The following BRINP1 variants were observed in gnomAD, a reference collection of about 807,000 sequenced individuals.
BRINP1 encodes BMP/retinoic acid inducible neural specific 1, also known as BMP/retinoic acid-inducible neural-specific protein 1.
A neutral mutation model predicts 72.9 loss-of-function variants in BRINP1; 17 were observed. The ratio of observed to expected loss-of-function variants is 0.23; its 90% CI spans 0.16 to 0.35. BRINP1 has a LOEUF of 0.35. Among genes scored for constraint, BRINP1 ranks in the 10% least tolerant of loss-of-function variants. The pLI, the probability that BRINP1 is intolerant of heterozygous loss-of-function variation, is 1.00. For synonymous variants in BRINP1, 418 were observed against 378.5 expected, an observed-to-expected ratio of 1.10 and a Z score of -1.21; for missense variants, 850 against 1,001.6, an observed-to-expected ratio of 0.85 and a Z score of 2.04.
At chr9:119,264,111 T>A (rs1275492460) in intron 2 of BRINP1, among the ~76,000 whole-genome samples, 2 of 152,174 alleles carry the variant, frequency 1.3e-5, no homozygotes, top group African/African-American at 2.4e-5. Flanking sequence ...CTGTTTCTAT[T>A]TATTACTTCA....
chr9:119,311,520 A>G (rs1288215275), intron 2 of BRINP1, among the ~76,000 whole-genome samples: 3 of 152,086 alleles, frequency 2.0e-5, no homozygotes, highest in South Asian at 2.1e-4. Context: ...ACTCCCCACA[A>G]TGGTTTCTAT....
rs1829951578 is a variant in BRINP1, at chr9:119,213,724, A to C, written c.922+195T>G. The C allele has an allele frequency of 4.6e-6, 3 of 655,092 alleles. No individual in the cohort carries two copies. The South Asian group carries it at 5.3e-5, about 12-fold the overall frequency. 40.6% of individuals were successfully genotyped at this position (655,092 alleles called of 1,614,324 possible). ...GACCACAAACTGGATTATGCTATTC[A>C]TTAATTTTATTCAGTTGAGATTTAT... On this transcript the variant is annotated intron_variant, in intron 6 of 7. Coordinates refer to ENST00000265922, the MANE Select transcript of BRINP1 (RefSeq NM_014618.3).
At chr9:119,185,779 A>G (rs903839899) in intron 7 of BRINP1, among the ~76,000 whole-genome samples, 7 of 152,166 alleles carry the variant, frequency 4.6e-5, no homozygotes, top group African/African-American at 1.7e-4. Flanking sequence ...AGTTTAGGGA[A>G]CTGCCTGGAG....
chr9:119,319,091 A>G (rs1310415330), intron 1 of BRINP1, among the ~76,000 whole-genome samples: 1 of 152,100 alleles, frequency 6.6e-6, no homozygotes, highest in Non-Finnish European at 1.5e-5. Context: ...ACAACAAAGA[A>G]TACGGGACCC....
intron 7 of BRINP1, among the ~76,000 whole-genome samples, chr9:119,175,374 G>T (rs1375085601): frequency 6.6e-6 from 1 of 151,730 alleles, no homozygotes; most frequent in Non-Finnish European, 1.5e-5. Flanking sequence ...TTTGTCAGGG[G>T]TTGGGGGGCT....
intron 1 of BRINP1, among the ~76,000 whole-genome samples, chr9:119,343,221 T>A (rs1276845235): frequency 6.6e-6 from 1 of 152,168 alleles, no homozygotes; most frequent in African/African-American, 2.4e-5. Context: ...CACAGCTGTA[T>A]AAAGTGCAGA....
At chr9:119,331,803 A>T (rs1424070659) in intron 1 of BRINP1, among the ~76,000 whole-genome samples, 3 of 152,216 alleles carry the variant, frequency 2.0e-5, no homozygotes, top group Non-Finnish European at 4.4e-5. Context: ...TATTCCACAG[A>T]CCACTTTGGT....
intron 2 of BRINP1, among the ~76,000 whole-genome samples, chr9:119,254,760 C>T (rs1466911379): frequency 1.3e-5 from 2 of 152,206 alleles, no homozygotes; most frequent in Non-Finnish European, 2.9e-5. Context: ...CTGTTGCAAC[C>T]ACTCAACTGT....
intron 2 of BRINP1, among the ~76,000 whole-genome samples, chr9:119,281,574 G>A (rs1181336502): frequency 6.6e-6 from 1 of 152,200 alleles, no homozygotes; most frequent in Non-Finnish European, 1.5e-5. Context: ...GAACAAGTCA[G>A]CATTGTCAGG....
rs1469417216 is a variant in BRINP1, at chr9:119,166,646, A to T, written c.*438T>A. 1 of 155,634 alleles carries T rather than the reference A, an allele frequency of 6.4e-6. No individual in the cohort carries two copies. The highest frequency in any genetic ancestry group is 1.9e-4 in the East Asian group (1 of 5,228). 9.6% of individuals were successfully genotyped at this position (155,634 alleles called of 1,614,324 possible). A position where few individuals can be genotyped will look rare whatever the true frequency, so the allele number is the denominator to read the frequency against. On this transcript the variant is annotated 3_prime_UTR_variant, in exon 8 of 8. Transcript: ENST00000265922. ...AGAGGGAATAAATCTTAACCGAAGA[A>T]ATATCTTCTTTATCTATGTCCATTT...
At chr9:119,292,119 C>T (rs1469716998) in intron 2 of BRINP1, among the ~76,000 whole-genome samples, 1 of 152,128 alleles carries the variant, frequency 6.6e-6, no homozygotes, top group African/African-American at 2.4e-5. Flanking sequence ...ATGTTCAGCC[C>T]TAATATCTAT....
chr9:119,167,933 A>G lies in BRINP1; in HGVS notation c.1437T>C (p.Thr479=), dbSNP rs774982976. 2 of 1,614,232 alleles carry G rather than the reference A, an allele frequency of 1.2e-6. No individual in the cohort carries two copies. Among genetic ancestry groups the G allele is most frequent in the African/African-American group, 1.3e-5 (1 of 75,056 alleles). ...ERSEQFISFE[T]DLDFQDLELK... is the part of the protein sequence containing the mutation. ...GCTCCAGGTCCTGGAAGTCCAGGTC[A>G]GTCTCAAAGCTGATGAACTGCTCGC... The change falls in exon 8 of 8, where the codon ACT becomes ACC. Residue 479 remains threonine, a synonymous_variant. Coordinates refer to ENST00000265922, the MANE Select transcript of BRINP1 (RefSeq NM_014618.3). The surrounding 1 kb of genome is among the most constrained non-coding windows in gnomAD (Gnocchi z 4.3).
chr9:119,211,433 G>A (rs1001953060), intron 6 of BRINP1, among the ~76,000 whole-genome samples: 2 of 151,226 alleles, frequency 1.3e-5, no homozygotes, highest in African/African-American at 2.4e-5. Context: ...CTGACCTCAG[G>A]TGATCCGCCC....
chr9:119,331,711 C>T (rs1055459759), intron 1 of BRINP1, among the ~76,000 whole-genome samples: 9 of 152,312 alleles, frequency 5.9e-5, no homozygotes, highest in East Asian at 3.9e-4. Flanking sequence ...GCTTTACTAA[C>T]GTGAGAATCA....
Position 119,313,433 on chromosome 9 carries a change from A to G in BRINP1, c.-50-28T>C, listed in dbSNP as rs571102070. ...ATAGAAGAAAGAATAAAAAAGAGAG[A>G]GAAAAAAAGAGAAACCAAAAGAGAG... On this transcript the variant is annotated intron_variant, in intron 1 of 7. Transcript: ENST00000265922. The G allele has an allele frequency of 9.7e-5, 146 of 1,497,784 alleles. No homozygotes were observed. The African/African-American group carries it at 1.4e-3, about 15-fold the overall frequency. The allele number at this position is 1,497,784 out of a possible 1,614,324, so 92.8% of individuals were successfully genotyped here. A position where few individuals can be genotyped will look rare whatever the true frequency, so the allele number is the denominator to read the frequency against.
intron 7 of BRINP1, among the ~76,000 whole-genome samples, chr9:119,170,144 G>A (rs1351288497): frequency 1.3e-5 from 2 of 151,814 alleles, no homozygotes; most frequent in East Asian, 2.0e-4. Flanking sequence ...TGACTTTGAC[G>A]AGCTGAGAGA....
At chr9:119,342,205 C>T (rs1242609425) in intron 1 of BRINP1, among the ~76,000 whole-genome samples, 2 of 152,104 alleles carry the variant, frequency 1.3e-5, no homozygotes, top group African/African-American at 4.8e-5. Context: ...TTTACTCATA[C>T]AGTTACCCTC....
intron 6 of BRINP1, among the ~76,000 whole-genome samples, chr9:119,212,553 C>T (rs1001751685): frequency 6.6e-6 from 1 of 152,182 alleles, no homozygotes; most frequent in African/African-American, 2.4e-5. Flanking sequence ...CTAGGGAAAA[C>T]ACTGGGTCTT....
intron 2 of BRINP1, among the ~76,000 whole-genome samples, chr9:119,300,520 GAACA>G (rs887283872): frequency 1.3e-5 from 2 of 151,874 alleles, no homozygotes; most frequent in Non-Finnish European, 1.5e-5. Context: ...CAAGAATTAA[GAACA>G]AAAAATTAAA....
Sources: allele counts gnomAD v4.1 joint callset (sites outside exome capture counted in the v4.1 genomes callset), GRCh38; gene constraint gnomAD v4.1.1; non-coding constraint Gnocchi (gnomAD v3.1); transcripts MANE v1.5; gene names NCBI Gene and HGNC (gene_info 2026-07-23, HGNC 2026-07-21).